The following INSR variants were observed in gnomAD, a reference collection of about 807,000 sequenced individuals.
INSR encodes IR.
Under a neutral mutation model 142.6 loss-of-function variants are expected in INSR, and 67 were observed. That is an observed-to-expected ratio of 0.47 (90% CI 0.39 to 0.58). The LOEUF (loss-of-function observed/expected upper bound fraction) is 0.58, where lower values mean the gene tolerates loss of function less well. INSR is among the 20% of genes least tolerant of loss of function. The pLI is 0.00. For missense variants in INSR, 1,248 were observed against 1,833.2 expected (o/e 0.68, Z 5.83); for synonymous variants, 756 against 743.1 (o/e 1.02, Z -0.28).
chr19:7,172,534 T>C lies in INSR; in HGVS notation c.1124-100A>G. Reference sequence around the variant, plus strand: ...AGATAACCCTCAGGCTGCAAATGACTGGACATACCCAGCTCAAAACTCATC... The same window carrying C: ...AGATAACCCTCAGGCTGCAAATGACCGGACATACCCAGCTCAAAACTCATC... On this transcript the variant is annotated intron_variant, in intron 4 of 21. Transcript: ENST00000302850. 2.3e-6 allele frequency: 3 copies of C among 1,285,540 alleles called. No homozygotes were observed. The East Asian group carries it at 6.9e-5, about 30-fold the overall frequency. 79.6% of individuals were successfully genotyped at this position (1,285,540 alleles called of 1,614,324 possible).
intron 2 of INSR, among the ~76,000 whole-genome samples, chr19:7,230,832 T>C (rs988906736): frequency 6.6e-6 from 1 of 150,450 alleles, no homozygotes; most frequent in Non-Finnish European, 1.5e-5. Context: ...TAAAAAATAT[T>C]AGCTCAAGGC....
chr19:7,226,492 G>A (rs113097427), intron 2 of INSR, among the ~76,000 whole-genome samples: 2,575 of 151,406 alleles, frequency 0.017, 80 homozygotes, highest in African/African-American at 0.059. Flanking sequence ...TTGGGAGGCC[G>A]AGGCAGGAGA....
chr19:7,123,291 C>G lies in INSR; in HGVS notation c.3259-302G>C, dbSNP rs1295347607. The G allele has an allele frequency of 3.5e-5, 13 of 374,702 alleles. No homozygotes were observed. The East Asian group carries it at 6.7e-4, about 19-fold the overall frequency. The allele number at this position is 374,702 out of a possible 1,614,324, so 23.2% of individuals were successfully genotyped here. A position where few individuals can be genotyped will look rare whatever the true frequency, so the allele number is the denominator to read the frequency against. On this transcript the variant is annotated intron_variant, in intron 17 of 21. Coordinates refer to ENST00000302850, the MANE Select transcript of INSR (RefSeq NM_000208.4). ...TCAAGCAATTCTCCTGCCTCAGTCT[C>G]CCGAGTAGCTGGGGTTACAGGTGCC...
intron 9 of INSR, among the ~76,000 whole-genome samples, chr19:7,154,846 C>T (rs1973549541): frequency 6.6e-6 from 1 of 151,420 alleles, no homozygotes; most frequent in Non-Finnish European, 1.5e-5. Flanking sequence ...ATTGTTTGAA[C>T]CCGGGAAGCA....
chr19:7,277,652 C>A (rs1235421987), intron 1 of INSR, among the ~76,000 whole-genome samples: 1 of 151,974 alleles, frequency 6.6e-6, no homozygotes, highest in Non-Finnish European at 1.5e-5. Flanking sequence ...CAAAACATAG[C>A]CAGGCGTGGT....
rs149740599 is a variant in INSR, at chr19:7,166,685, C to T, written c.1611-281G>A. 9.9e-5 allele frequency among the ~76,000 whole-genome samples: 15 copies of T among 152,196 alleles called. 1 individual carries two copies. The South Asian group carries it at 2.9e-3, about 29-fold the overall frequency. On this transcript the variant is annotated intron_variant, in intron 7 of 21. Coordinates refer to ENST00000302850, the MANE Select transcript of INSR (RefSeq NM_000208.4). The surrounding 1 kb of genome is among the most constrained non-coding windows in gnomAD (Gnocchi z 4.1). ...CTGTAATCCCAGCACTTTGGGAGGC[C>T]GAGAATGGCGGATCACCAGAAGTCA...
chr19:7,120,865 G>A (rs1044722934), intron 19 of INSR, 116 bp from the exon 20 acceptor site: 11 of 1,338,498 alleles, frequency 8.2e-6, no homozygotes, highest in Non-Finnish European at 1.2e-5. Context: ...GCCCACGTCT[G>A]CGCTCACCTG....
Position 7,113,095 on chromosome 19 carries a change from C to T in INSR, c.*3961G>A, listed in dbSNP as rs1972244352. The T allele has an allele frequency of 6.6e-6, 1 of 152,184 alleles. No individual in the cohort carries two copies. The highest frequency in any genetic ancestry group is 1.5e-5 in the Non-Finnish European group (1 of 68,032). 9.4% of individuals were successfully genotyped at this position (152,184 alleles called of 1,614,324 possible). On this transcript the variant is annotated 3_prime_UTR_variant, in exon 22 of 22. Transcript: ENST00000302850. The stretch of plus-strand genomic sequence containing the variant: ...AAGGACATTTAACCCTAAACTTCCA[C>T]CCACTGTGAAGGAGAGAAATGATTA...
intron 2 of INSR, among the ~76,000 whole-genome samples, chr19:7,187,297 G>C (rs1974456792): frequency 6.6e-6 from 1 of 151,660 alleles, no homozygotes; most frequent in African/African-American, 2.4e-5. Flanking sequence ...GGCCAGGCTG[G>C]TCTCGAACTC....
chr19:7,142,836 C>G lies in INSR; in HGVS notation c.2522G>C (p.Ser841Thr), dbSNP rs780976765. Residue 841 changes from serine (S) to threonine (T), a missense_variant, in exon 12 of 22, where the codon AGT (serine) becomes ACT (threonine). This residue lies in a region of INSR where 1,069 missense variants were observed against 1,654.0 expected (regional missense o/e 0.65). Coordinates refer to ENST00000302850, the MANE Select transcript of INSR (RefSeq NM_000208.4). ...EERCSVAAYV[S>T]ARTMPEAKAD... is the part of the protein sequence containing the mutation. ...CCTACCTTCAGGCATGGTCCTCGCA[C>G]TGACGTAGGCTGCCACACTGCACCG... 2 of 1,614,094 alleles carry G rather than the reference C, an allele frequency of 1.2e-6. No homozygotes were observed. Among genetic ancestry groups the G allele is most frequent in the Non-Finnish European group, 1.7e-6 (2 of 1,180,038 alleles).
intron 2 of INSR, among the ~76,000 whole-genome samples, chr19:7,255,637 G>T (rs1267897721): frequency 6.6e-6 from 1 of 151,088 alleles, no homozygotes; most frequent in South Asian, 2.1e-4. Flanking sequence ...GGGTACAGTG[G>T]TGTAATCATA....
chr19:7,224,441 GA>G (rs1975716745), intron 2 of INSR, among the ~76,000 whole-genome samples: 1 of 152,062 alleles, frequency 6.6e-6, no homozygotes, highest in African/African-American at 2.4e-5. Context: ...GGGAAGCTCT[GA>G]AAACCCATTC....
chr19:7,199,203 G>A (rs1436022200), intron 2 of INSR, among the ~76,000 whole-genome samples: 2 of 151,920 alleles, frequency 1.3e-5, no homozygotes, highest in African/African-American at 2.4e-5. Flanking sequence ...CAGCACACAC[G>A]GTCCAATCCA....
At chr19:7,289,678 T>C (rs1392719352) in intron 1 of INSR, among the ~76,000 whole-genome samples, 12 of 152,218 alleles carry the variant, frequency 7.9e-5, no homozygotes, top group Non-Finnish European at 1.5e-4. Flanking sequence ...GGTGTTGGGA[T>C]TACAGGCGTG....
In INSR at chr19:7,293,865, C is replaced by A; in HGVS notation, c.27G>T (p.Ala9=). The A allele has an allele frequency of 8.1e-7, 1 of 1,241,088 alleles. No homozygotes were observed. The highest frequency in any genetic ancestry group is 3.4e-5 in the South Asian group (1 of 29,350). 76.9% of individuals were successfully genotyped at this position (1,241,088 alleles called of 1,614,324 possible). A position where few individuals can be genotyped will look rare whatever the true frequency, so the allele number is the denominator to read the frequency against. MATGGRRG[A]AAAPLLVAVA... ...CCGCCACCAGCAGCGGCGCGGCCGC[C>A]GCCCCCCGCCGGCCCCCGGTGGCCA... The change falls in exon 1 of 22, where the codon GCG becomes GCT. Residue 9 remains alanine, a synonymous_variant. Transcript: ENST00000302850.
chr19:7,196,758 A>G (rs1217488093), intron 2 of INSR, among the ~76,000 whole-genome samples: 2 of 152,296 alleles, frequency 1.3e-5, no homozygotes, highest in South Asian at 4.1e-4. Flanking sequence ...TTAAAAAAAA[A>G]AAGTTTAAAA....
At chr19:7,178,066 G>A (rs1019155047) in intron 3 of INSR, among the ~76,000 whole-genome samples, 1 of 152,016 alleles carries the variant, frequency 6.6e-6, no homozygotes, top group East Asian at 1.9e-4. Flanking sequence ...TGCTGCTGCT[G>A]TTGTTCTCAC....
At chr19:7,226,354 G>A (rs1328832280) in intron 2 of INSR, among the ~76,000 whole-genome samples, 2 of 148,484 alleles carry the variant, frequency 1.3e-5, no homozygotes, top group African/African-American at 5.0e-5. Context: ...AGGTTGCAGT[G>A]AGCCAAGATC....
At chr19:7,245,519 G>A (rs935132226) in intron 2 of INSR, among the ~76,000 whole-genome samples, 4 of 151,944 alleles carry the variant, frequency 2.6e-5, no homozygotes, top group Non-Finnish European at 4.4e-5. Context: ...GCACAATCTC[G>A]GCTCATTGAA....
Sources: allele counts gnomAD v4.1 joint callset (sites outside exome capture counted in the v4.1 genomes callset), GRCh38; gene constraint gnomAD v4.1.1; regional missense constraint gnomAD v4.1.1; non-coding constraint Gnocchi (gnomAD v3.1); transcripts MANE v1.5; gene names NCBI Gene and HGNC (gene_info 2026-07-23, HGNC 2026-07-21).